Variants in CSMD2 observed in about 807,000 individuals in gnomAD.
CSMD2 encodes CUB and Sushi multiple domains 2.
Under a neutral mutation model 398.5 loss-of-function variants are expected in CSMD2, and 130 were observed. The ratio of observed to expected loss-of-function variants is 0.33; its 90% CI spans 0.28 to 0.38. The LOEUF (loss-of-function observed/expected upper bound fraction) is 0.38, where lower values mean the gene tolerates loss of function less well. CSMD2 is among the 10% of genes least tolerant of loss of function. The pLI is 1.00. For synonymous variants in CSMD2, 1,828 were observed against 1,908.5 expected, an observed-to-expected ratio of 0.96 and a Z score of 1.10; for missense variants, 3,829 against 4,764.9, an observed-to-expected ratio of 0.80 and a Z score of 5.78.
At chr1:33,724,390 T>TCCCC (rs1646457910) in intron 18 of CSMD2, 77 bp from the exon 19 acceptor site, 2 of 1,491,382 alleles carry the variant, frequency 1.3e-6, no homozygotes, top group Non-Finnish European at 1.9e-6. Flanking sequence ...TGGGACCCCA[T>TCCCC]CCCCCATCTC....
At chr1:34,035,593 A>C in intron 2 of CSMD2, among the ~76,000 whole-genome samples, 1 of 152,186 alleles carries the variant, frequency 6.6e-6, no homozygotes, top group Admixed American at 6.5e-5. Context: ...TAACAGGTTA[A>C]AGGTAGAAAA....
At chr1:34,011,371 G>A (rs55817849) in intron 3 of CSMD2, among the ~76,000 whole-genome samples, 23,824 of 152,074 alleles carry the variant, frequency 0.16, 2,504 homozygotes, top group East Asian at 0.46. Context: ...TGGTAAACTG[G>A]CAAAGGAGTC....
chr1:33,780,989 G>C (rs1652684987), intron 12 of CSMD2, among the ~76,000 whole-genome samples: 1 of 152,202 alleles, frequency 6.6e-6, no homozygotes. Flanking sequence ...GTCCTAGAGG[G>C]AGTGGTGAGT....
chr1:33,607,948 T>G (rs555654592), intron 41 of CSMD2, among the ~76,000 whole-genome samples: 8 of 152,284 alleles, frequency 5.3e-5, no homozygotes, highest in African/African-American at 1.9e-4. Flanking sequence ...CTGGCCTCCC[T>G]ACGCAGGGAA....
chr1:34,093,076 G>A (rs1658832228), intron 1 of CSMD2, among the ~76,000 whole-genome samples: 1 of 152,184 alleles, frequency 6.6e-6, no homozygotes. Context: ...CTGGCAGACT[G>A]CCTCCTCAAG....
intron 2 of CSMD2, among the ~76,000 whole-genome samples, chr1:34,081,198 A>G (rs1571039447): frequency 6.6e-6 from 1 of 152,174 alleles, no homozygotes; most frequent in Non-Finnish European, 1.5e-5. Flanking sequence ...CATTAAAAAA[A>G]AATTCACAAA....
Position 33,693,010 on chromosome 1 carries a change from C to T in CSMD2, c.3972G>A (p.Leu1324=), listed in dbSNP as rs781417020. ...CATAGGGAGCTGGATACCCGGGTGACAGCACCTGCCCCGACACCTCTCCTC... is the reference window on the plus strand; with the variant it reads ...CATAGGGAGCTGGATACCCGGGTGATAGCACCTGCCCCGACACCTCTCCTC... ...TVRGEVSGQV[L]SPGYPAPYEH... is the part of the protein sequence containing the mutation. The change falls in exon 25 of 71, where the codon CTG becomes CTA. Residue 1324 remains leucine, a synonymous_variant. Transcript: ENST00000373381. 6.2e-7 allele frequency: 1 copy of T among 1,604,926 alleles called. No homozygotes were observed.
At chr1:33,711,331 G>C (rs1645981150) in intron 21 of CSMD2, among the ~76,000 whole-genome samples, 2 of 152,220 alleles carry the variant, frequency 1.3e-5, no homozygotes, top group Non-Finnish European at 2.9e-5. Flanking sequence ...GAGGCCTGTG[G>C]TGCAGTGGGA....
intron 5 of CSMD2, among the ~76,000 whole-genome samples, chr1:33,900,099 G>A (rs1273852106): frequency 6.6e-6 from 1 of 152,222 alleles, no homozygotes; most frequent in Non-Finnish European, 1.5e-5. Flanking sequence ...TCCAGGTGCT[G>A]TAACCATGAA....
chr1:33,713,377 T>C (rs1646054865), intron 21 of CSMD2, among the ~76,000 whole-genome samples: 1 of 152,234 alleles, frequency 6.6e-6, no homozygotes, highest in Non-Finnish European at 1.5e-5. Flanking sequence ...TGATCTGTTT[T>C]GTATATTTTT....
In CSMD2 at chr1:33,698,595, G is replaced by A. The variant is rs1444828841; in HGVS notation, c.3925+158C>T. ...GTGTGAAAGTGAGGAAGTGGAGAAG[G>A]GGTGCAGGTGAACCATGATGCCTGT... On this transcript the variant is annotated intron_variant, in intron 24 of 70. Transcript: ENST00000373381. Among the ~76,000 whole-genome samples, 3 of 152,336 alleles carry A rather than the reference G, an allele frequency of 2.0e-5. No homozygotes were observed. The East Asian group carries it at 5.8e-4, about 29-fold the overall frequency.
intron 4 of CSMD2, among the ~76,000 whole-genome samples, chr1:33,927,959 T>G (rs767357752): frequency 6.6e-6 from 1 of 152,142 alleles, no homozygotes; most frequent in Admixed American, 6.5e-5. Context: ...CAGAGGTTTC[T>G]CTCCTCAGGA....
chr1:33,617,083 A>G, intron 38 of CSMD2, 108 bp from the exon 39 acceptor site: 3 of 766,958 alleles, frequency 3.9e-6, no homozygotes, highest in Non-Finnish European at 6.8e-6. Flanking sequence ...GTTAAGGAAC[A>G]AGATACACAA....
At chr1:33,896,399 C>T (rs1642389302) in intron 5 of CSMD2, among the ~76,000 whole-genome samples, 1 of 152,146 alleles carries the variant, frequency 6.6e-6, no homozygotes, top group Non-Finnish European at 1.5e-5. Context: ...GAGGACATCA[C>T]CTGGTGAGGT....
intron 9 of CSMD2, among the ~76,000 whole-genome samples, chr1:33,811,590 C>T (rs1383482873): frequency 1.3e-5 from 2 of 152,114 alleles, no homozygotes; most frequent in African/African-American, 4.8e-5. Flanking sequence ...TGACTGGAAG[C>T]ATAAAGATTC....
chr1:34,045,038 TACACACACAC>T (rs10588687), intron 2 of CSMD2, among the ~76,000 whole-genome samples: 58,937 of 142,618 alleles, frequency 0.41, 13,840 homozygotes, highest in Non-Finnish European at 0.57. Context: ...TCACACACCA[TACACACACAC>T]ACACACACAC....
chr1:33,940,922 T>C (rs995368492), intron 3 of CSMD2, among the ~76,000 whole-genome samples: 1 of 152,230 alleles, frequency 6.6e-6, no homozygotes, highest in African/African-American at 2.4e-5. Flanking sequence ...TGCAACCTGC[T>C]GGACAGACAT....
intron 22 of CSMD2, among the ~76,000 whole-genome samples, chr1:33,707,687 GCGCGCGCGCACA>G (rs1343719571): frequency 3.3e-4 from 14 of 42,542 alleles, no homozygotes; most frequent in East Asian, 1.8e-3. Flanking sequence ...GTGCACACGC[GCGCGCGCGCACA>G]CACACACACA....
chr1:33,653,687 T>G (rs1447704862), intron 27 of CSMD2, among the ~76,000 whole-genome samples: 1 of 152,060 alleles, frequency 6.6e-6, no homozygotes, highest in Non-Finnish European at 1.5e-5. Flanking sequence ...CCTCCATGGC[T>G]GGGGCTGCTG....
Sources: allele counts gnomAD v4.1 joint callset (sites outside exome capture counted in the v4.1 genomes callset), GRCh38; gene constraint gnomAD v4.1.1; transcripts MANE v1.5; gene names NCBI Gene and HGNC (gene_info 2026-07-23, HGNC 2026-07-21).